CACNA1C: variants seen among roughly 807,000 people sequenced by gnomAD.
CACNA1C encodes the protein calcium voltage-gated channel subunit alpha1 C.
In CACNA1C, 30 loss-of-function variants were observed where a neutral mutation model predicts 229.0. The ratio of observed to expected loss-of-function variants is 0.13; its 90% CI spans 0.10 to 0.18. The LOEUF (loss-of-function observed/expected upper bound fraction) is 0.18, where lower values mean the gene tolerates loss of function less well. Among genes scored for constraint, CACNA1C ranks in the 10% least tolerant of loss-of-function variants. The probability of loss-of-function intolerance (pLI) is 1.00; values close to 1 mark genes in which losing one functional copy is unlikely to be tolerated. For synonymous variants in CACNA1C, 1,114 were observed against 1,132.5 expected (o/e 0.98, Z 0.33); for missense variants, 1,658 against 2,845.0 (o/e 0.58, Z 9.49).
At position 2,118,262 on chromosome 12, in the gene CACNA1C, G is replaced by T. The variant is rs139025532; in HGVS notation, c.372-2063G>T. 9.7e-3 allele frequency among the ~76,000 whole-genome samples: 1,471 copies of T among 152,292 alleles called. 20 individuals are homozygous for T. Among genetic ancestry groups the T allele is most frequent in the African/African-American group, 0.033 (1,369 of 41,544 alleles). Reference sequence around the variant, plus strand: ...TGACATGTTCTGGGTGTGTGTGCACGGGTCTGGTTTGGCTGGGTTGTTGCA... The same window carrying T: ...TGACATGTTCTGGGTGTGTGTGCACTGGTCTGGTTTGGCTGGGTTGTTGCA... On this transcript the variant is annotated intron_variant, in intron 2 of 46. Transcript: ENST00000399655.
chr12:2,221,332 G>A (rs1361437538), intron 3 of CACNA1C, among the ~76,000 whole-genome samples: 2 of 152,162 alleles, frequency 1.3e-5, no homozygotes, highest in Non-Finnish European at 2.9e-5. Flanking sequence ...AGTTGGGAGG[G>A]AATGAGAAAC....
chr12:2,192,336 CCT>C (rs1382083417), intron 3 of CACNA1C, among the ~76,000 whole-genome samples: 4 of 152,178 alleles, frequency 2.6e-5, no homozygotes, highest in Non-Finnish European at 4.4e-5. Context: ...CCCACCGCCC[CCT>C]GTTTTTGTTA....
In CACNA1C at chr12:2,688,811, G is replaced by A. The variant is rs773131642; in HGVS notation, c.6117+32G>A. The A allele has an allele frequency of 3.5e-5, 50 of 1,444,642 alleles. No homozygotes were observed. In the South Asian group the frequency reaches 5.5e-4, roughly 16 times the overall value. 89.5% of individuals were successfully genotyped at this position (1,444,642 alleles called of 1,614,324 possible). On this transcript the variant is annotated intron_variant, in intron 46 of 46. Coordinates refer to ENST00000399655, the MANE Select transcript of CACNA1C (RefSeq NM_000719.7). Reference sequence around the variant, plus strand: ...GACTCGCAGATGGGCAGGGGGGAGAGGCCACGGGCAACAAGGGGACTTGGC... The same window carrying A: ...GACTCGCAGATGGGCAGGGGGGAGAAGCCACGGGCAACAAGGGGACTTGGC...
intron 3 of CACNA1C, among the ~76,000 whole-genome samples, chr12:2,242,566 T>C (rs180923279): frequency 1.1e-4 from 17 of 152,364 alleles, no homozygotes. Flanking sequence ...AAATTTATTC[T>C]TAATCAACTA....
At chr12:2,611,363 GA>G (rs1170876480) in intron 28 of CACNA1C, among the ~76,000 whole-genome samples, 1 of 147,948 alleles carries the variant, frequency 6.8e-6, no homozygotes, top group African/African-American at 2.5e-5. Context: ...GATCAATGGA[GA>G]GGGGAGGAGA....
chr12:2,150,798 G>A (rs1199350486), intron 3 of CACNA1C, among the ~76,000 whole-genome samples: 1 of 152,204 alleles, frequency 6.6e-6, no homozygotes, highest in African/African-American at 2.4e-5. Context: ...TGGAGAAACT[G>A]TCTCTACCGC....
chr12:2,012,581 C>T (rs1433316637), intron 1 of CACNA1C, among the ~76,000 whole-genome samples: 1 of 152,180 alleles, frequency 6.6e-6, no homozygotes, highest in African/African-American at 2.4e-5. Context: ...TCAGTAGGCA[C>T]CCAGTTTGTG....
chr12:2,315,806 G>A (rs1425485506), intron 3 of CACNA1C, among the ~76,000 whole-genome samples: 2 of 152,190 alleles, frequency 1.3e-5, no homozygotes, highest in Non-Finnish European at 2.9e-5. Context: ...GAGTTTTGCT[G>A]GCTTCCCCAG....
Position 2,629,381 on chromosome 12 carries a change from A to G in CACNA1C, c.3829-4916A>G, listed in dbSNP as rs373601343. 1.1e-4 allele frequency among the ~76,000 whole-genome samples: 16 copies of G among 152,358 alleles called. 1 individual carries two copies. The East Asian group carries it at 2.3e-3, about 22-fold the overall frequency. ...CCCGGGAGGTAGGCATTTTACAGCC[A>G]GGAAGTACCACTGGACCATGGCCCC... On this transcript the variant is annotated intron_variant, in intron 29 of 46. Coordinates refer to ENST00000399655, the MANE Select transcript of CACNA1C (RefSeq NM_000719.7).
intron 1 of CACNA1C, among the ~76,000 whole-genome samples, chr12:2,026,469 C>T: frequency 6.6e-6 from 1 of 152,108 alleles, no homozygotes; most frequent in East Asian, 1.9e-4. Flanking sequence ...CAGACAATGA[C>T]ACCAGCAAAG....
In CACNA1C at chr12:2,690,994, T is replaced by G; in HGVS notation, c.6212T>G (p.Ile2071Arg). The G allele has an allele frequency of 6.2e-7, 1 of 1,600,818 alleles. No homozygotes were observed. Among genetic ancestry groups the G allele is most frequent in the Non-Finnish European group, 8.5e-7 (1 of 1,173,802 alleles). ...QELADACDMTIEEMESAADNI... is the reference protein window; with the variant it reads ...QELADACDMTREEMESAADNI... ...CTGGCCGACGCCTGCGACATGACCATAGAGGAGATGGAGAGCGCGGCCGAC... is the reference window on the plus strand; with the variant it reads ...CTGGCCGACGCCTGCGACATGACCAGAGAGGAGATGGAGAGCGCGGCCGAC... Residue 2071 changes from isoleucine to arginine, a missense_variant, in exon 47 of 47, where the codon ATA (isoleucine) becomes AGA (arginine). Coordinates refer to ENST00000399655, the MANE Select transcript of CACNA1C (RefSeq NM_000719.7).
intron 1 of CACNA1C, chr12:1,991,192 G>C (rs1173309231): frequency 6.6e-6 from 3 of 456,062 alleles, no homozygotes; most frequent in African/African-American, 6.0e-5. Flanking sequence ...AGTGAAATCA[G>C]AATCTGTGGG....
At position 2,633,805 on chromosome 12, in the gene CACNA1C, C is replaced by A. The variant is rs576552816; in HGVS notation, c.3829-492C>A. On this transcript the variant is annotated intron_variant, in intron 29 of 46. Coordinates refer to ENST00000399655, the MANE Select transcript of CACNA1C (RefSeq NM_000719.7). This position sits in a 1 kb window ranked among gnomAD's most constrained non-coding sequence, Gnocchi z 5.8. ...CTCTCTCACTCTCTCTGTTTACCTT[C>A]TTTTATGTTTTTTTTAATTTCCTGT... 4.0e-6 allele frequency: 3 copies of A among 742,208 alleles called. No homozygotes were observed. In the South Asian group the frequency reaches 5.0e-5, roughly 12 times the overall value. The allele number at this position is 742,208 out of a possible 1,614,324, so 46.0% of individuals were successfully genotyped here.
At chr12:2,343,572 T>G (rs2096924074) in intron 3 of CACNA1C, among the ~76,000 whole-genome samples, 1 of 152,220 alleles carries the variant, frequency 6.6e-6, no homozygotes, top group Non-Finnish European at 1.5e-5. Context: ...AATTCAAATC[T>G]AGCTGGGTGT....
chr12:2,426,991 G>C (rs2099038567), intron 3 of CACNA1C, among the ~76,000 whole-genome samples: 1 of 152,244 alleles, frequency 6.6e-6, no homozygotes, highest in South Asian at 2.1e-4. Flanking sequence ...TTGAAGAGAT[G>C]AGGAAATAGA....
At position 2,518,868 on chromosome 12, in the gene CACNA1C, G is replaced by A. The variant is rs533659002; in HGVS notation, c.1390+5884G>A. ...CTGGAAGTAGCTCCTGGGCCTTCACGTTAACTCTTAGCTGGTCCTAATCAG... is the reference window on the plus strand; with the variant it reads ...CTGGAAGTAGCTCCTGGGCCTTCACATTAACTCTTAGCTGGTCCTAATCAG... On this transcript the variant is annotated intron_variant, in intron 9 of 46. Transcript: ENST00000399655. Among the ~76,000 whole-genome samples the A allele has an allele frequency of 6.1e-4, 93 of 152,314 alleles. 1 individual carries two copies. The South Asian group carries it at 8.1e-3, about 13-fold the overall frequency.
intron 1 of CACNA1C, among the ~76,000 whole-genome samples, chr12:1,998,838 A>T (rs994258981): frequency 1.3e-5 from 2 of 152,248 alleles, no homozygotes; most frequent in Non-Finnish European, 2.9e-5. Flanking sequence ...TACATGGTTT[A>T]ATTTCAGCAT....
chr12:2,674,807 G>A (rs115129355), intron 39 of CACNA1C, among the ~76,000 whole-genome samples, 165 bp downstream of exon 39: 124 of 152,286 alleles, frequency 8.1e-4, no homozygotes, highest in African/African-American at 2.8e-3. Context: ...CCCTTCCTGT[G>A]GGGCTCAGAG....
At chr12:2,645,547 C>T (rs2094251482) in intron 30 of CACNA1C, among the ~76,000 whole-genome samples, 1 of 152,222 alleles carries the variant, frequency 6.6e-6, no homozygotes, top group African/African-American at 2.4e-5. Context: ...ATCTCTCCTT[C>T]CATCTCAGCA....
Sources: gnomAD v4.1 joint callset for allele counts (sites outside exome capture counted in the v4.1 genomes callset) on GRCh38, gnomAD v4.1.1 for gene constraint, Gnocchi (gnomAD v3.1) non-coding constraint, MANE v1.5 for transcripts, NCBI Gene and HGNC (gene_info 2026-07-23, HGNC 2026-07-21) for gene names.